HNRNPL: variants seen among roughly 807,000 people sequenced by gnomAD.
HNRNPL encodes epididymis secretory sperm binding protein.
HNRNPL carries 12 observed loss-of-function variants against 64.0 expected under a neutral mutation model. The observed-to-expected ratio is 0.19, with a 90% CI of 0.12 to 0.30. HNRNPL has a LOEUF of 0.30. Among genes scored for constraint, HNRNPL ranks in the 10% least tolerant of loss-of-function variants. The pLI is 1.00. For missense variants in HNRNPL, 484 were observed against 797.4 expected, an observed-to-expected ratio of 0.61 and a Z score of 4.73; for synonymous variants, 385 against 313.0, an observed-to-expected ratio of 1.23 and a Z score of -2.43.
Position 38,836,534 on chromosome 19 carries a change from C to T in HNRNPL, c.*188G>A. ...TCTTGGGAGATAACAGTTCCCCTCT[C>T]CCTCCCCCTGCAGATTTCCAGCGTT... On this transcript the variant is annotated 3_prime_UTR_variant, in exon 13 of 13. Transcript: ENST00000221419. 1 of 453,340 alleles carries T rather than the reference C, an allele frequency of 2.2e-6. No individual in the cohort carries two copies. Among genetic ancestry groups the T allele is most frequent in the East Asian group, 3.3e-5 (1 of 30,338 alleles). The allele number at this position is 453,340 out of a possible 1,614,324, so 28.1% of individuals were successfully genotyped here. A position where few individuals can be genotyped will look rare whatever the true frequency, so the allele number is the denominator to read the frequency against.
At position 38,847,426 on chromosome 19, in the gene HNRNPL, G is replaced by A. The variant is rs145915975; in HGVS notation, c.276C>T (p.Tyr92=). 77 of 1,510,908 alleles carry A rather than the reference G, an allele frequency of 5.1e-5. No individual in the cohort carries two copies. In the East Asian group the frequency reaches 9.6e-4, roughly 19 times the overall value. The allele number at this position is 1,510,908 out of a possible 1,614,324, so 93.6% of individuals were successfully genotyped here. A position where few individuals can be genotyped will look rare whatever the true frequency, so the allele number is the denominator to read the frequency against. ...AAGGGGGGEN[Y]DDPHKTPASP... ...AGGCAGGGGTTTTGTGCGGGTCATC[G>A]TAGTTCTCCTGAGAAAGGAAGCAAA... Residue 92 remains tyrosine, a synonymous_variant, in exon 2 of 13, where the codon TAC becomes TAT. Transcript: ENST00000221419.
intron 12 of HNRNPL, chr19:38,837,083 G>GT (rs1292545032): frequency 1.8e-6 from 1 of 549,074 alleles, no homozygotes; most frequent in East Asian, 3.0e-5. Context: ...TCTTTCCTAG[G>GT]TAACAGAGTG....
upstream of HNRNPL, among the ~76,000 whole-genome samples, chr19:38,850,767 T>TAA (rs1272644676): frequency 2.0e-5 from 3 of 152,182 alleles, no homozygotes; most frequent in Non-Finnish European, 4.4e-5. Context: ...GAGGAATTGT[T>TAA]AAAATCCCAA....
chr19:38,847,734 C>G, intron 1 of HNRNPL: 1 of 204,256 alleles, frequency 4.9e-6, no homozygotes, highest in Non-Finnish European at 9.8e-6. Context: ...AGGGACCCCC[C>G]TCTCTTCCCA....
upstream of HNRNPL, chr19:38,850,065 C>CG (rs919130771): frequency 7.9e-6 from 8 of 1,018,430 alleles, no homozygotes; most frequent in Admixed American, 8.2e-5. Flanking sequence ...GGTCCCGCCG[C>CG]GGGGGGAGGG....
chr19:38,847,583 G>T (rs1281792761), intron 1 of HNRNPL, 149 bp from the exon 2 acceptor site: 3 of 420,588 alleles, frequency 7.1e-6, no homozygotes, highest in African/African-American at 2.0e-5. Flanking sequence ...AGCAATTGAA[G>T]CCAATCAGCC....
In HNRNPL at chr19:38,840,576, C is replaced by G. The variant is rs372961507; in HGVS notation, c.881-17G>C. On this transcript the variant is annotated splice_polypyrimidine_tract_variant and intron_variant, in intron 6 of 12. Transcript: ENST00000221419. The stretch of plus-strand genomic sequence containing the variant: ...CAGGGTCACCTGTGGAGAGAGAAAA[C>G]AGTTAGGAGTCTCACTCAGAAATTG... 646 of 1,565,550 alleles carry G rather than the reference C, an allele frequency of 4.1e-4. No homozygotes were observed. The highest frequency in any genetic ancestry group is 2.7e-3 in the Middle Eastern group (12 of 4,484).
At chr19:38,837,539 G>A (rs1043426784) in intron 11 of HNRNPL, 55 bp downstream of exon 11, 4 of 1,610,128 alleles carry the variant, frequency 2.5e-6, no homozygotes, top group African/African-American at 1.3e-5. Flanking sequence ...GAACTAGGCA[G>A]CTGCCCACCA....
chr19:38,850,057 T>C, upstream of HNRNPL: 2 of 1,123,242 alleles, frequency 1.8e-6, no homozygotes, highest in Non-Finnish European at 2.3e-6. Context: ...GAGCCACTGG[T>C]CCCGCCGCGG....
At position 38,849,814 on chromosome 19, in the gene HNRNPL, G is replaced by A; in HGVS notation, c.153C>T (p.Gly51=). The A allele has an allele frequency of 3.9e-6, 5 of 1,292,712 alleles. 1 individual carries two copies. The highest frequency in any genetic ancestry group is 2.5e-4 in the Middle Eastern group (1 of 3,998). 80.1% of individuals were successfully genotyped at this position (1,292,712 alleles called of 1,614,324 possible). A position where few individuals can be genotyped will look rare whatever the true frequency, so the allele number is the denominator to read the frequency against. The change falls in exon 1 of 13, where the codon GGC becomes GGT. Residue 51 remains glycine (G), a synonymous_variant. Coordinates refer to ENST00000221419, the MANE Select transcript of HNRNPL (RefSeq NM_001533.3). ...GCTTAGGGGCCCGGCCGCCCTCACT[G>A]CCGCCGCCGTAGTAGCGGCCACCGC... ...GGGGGRYYGG[G]SEGGRAPKRL...
At chr19:38,849,648 G>A (rs552638960) in intron 1 of HNRNPL, 52 bp downstream of exon 1, 4 of 1,305,638 alleles carry the variant, frequency 3.1e-6, no homozygotes, top group Non-Finnish European at 3.9e-6. Flanking sequence ...CTCAAGCTGG[G>A]AAATTGTCCC....
Position 38,845,859 on chromosome 19 carries a change from G to A in HNRNPL, c.618C>T (p.Ile206=), listed in dbSNP as rs989741993. Residue 206 remains isoleucine (I), a synonymous_variant, in exon 3 of 13, where the codon ATC becomes ATT. Transcript: ENST00000221419. ...LFTILNPIYS[I]TTDVLYTICN... is the part of the protein sequence containing the mutation. The stretch of plus-strand genomic sequence containing the variant: ...AATGCCTGCTGGCACGTACCGTGGT[G>A]ATCGAATAAATGGGGTTCAGGATGG... 1 of 1,613,364 alleles carries A rather than the reference G, an allele frequency of 6.2e-7. No individual in the cohort carries two copies. The highest frequency in any genetic ancestry group is 8.5e-7 in the Non-Finnish European group (1 of 1,179,380).
intron 10 of HNRNPL, 80 bp downstream of exon 10, chr19:38,838,317 G>A: frequency 8.3e-7 from 1 of 1,200,358 alleles, no homozygotes; most frequent in Non-Finnish European, 1.2e-6. Flanking sequence ...ACAGCTATTT[G>A]CAGAAAAGAC....
intron 1 of HNRNPL, chr19:38,847,762 GGAAA>G (rs1972349672): frequency 1.1e-5 from 2 of 176,568 alleles, no homozygotes; most frequent in Non-Finnish European, 2.4e-5. Context: ...ACTCGACCAA[GGAAA>G]CATGGGAAAA....
At chr19:38,841,239 AG>A in intron 6 of HNRNPL, 1 of 288,200 alleles carries the variant, frequency 3.5e-6, no homozygotes, top group Non-Finnish European at 6.8e-6. Flanking sequence ...CCTTTAACTT[AG>A]CGCTTAAGTG....
upstream of HNRNPL, chr19:38,850,208 TTAAAA>T (rs1480056152): frequency 1.2e-5 from 5 of 408,418 alleles, no homozygotes; most frequent in African/African-American, 2.1e-5. Flanking sequence ...CCCCGCCGCC[TTAAAA>T]TAAAATCCAA....
chr19:38,843,741 G>A, intron 6 of HNRNPL, 101 bp downstream of exon 6: 3 of 965,586 alleles, frequency 3.1e-6, no homozygotes, highest in South Asian at 2.9e-5. Context: ...TCCATGGGGG[G>A]CCCAATGGCA....
chr19:38,844,251 T>G, intron 4 of HNRNPL, 147 bp from the exon 5 acceptor site: 1 of 629,998 alleles, frequency 1.6e-6, no homozygotes, highest in South Asian at 1.9e-5. Context: ...GCCACTAGCC[T>G]CAGGTTAAGA....
At chr19:38,839,871 G>A (rs1475129202) in intron 8 of HNRNPL, among the ~76,000 whole-genome samples, 1 of 152,132 alleles carries the variant, frequency 6.6e-6, no homozygotes, top group East Asian at 1.9e-4. Flanking sequence ...GTACTTTTAT[G>A]TGATAAAATC....
Sources: allele counts gnomAD v4.1 joint callset (sites outside exome capture counted in the v4.1 genomes callset), GRCh38; gene constraint gnomAD v4.1.1; transcripts MANE v1.5; gene names NCBI Gene and HGNC (gene_info 2026-07-23, HGNC 2026-07-21).